Variants in RGS12 observed in about 807,000 individuals in gnomAD.
The protein encoded by RGS12 is regulator of G-protein signaling 12.
A neutral mutation model predicts 120.1 loss-of-function variants in RGS12; 66 were observed. The observed-to-expected ratio is 0.55, with a 90% CI of 0.45 to 0.67. The LOEUF (loss-of-function observed/expected upper bound fraction) is 0.67. RGS12 is among the 30% of genes least tolerant of loss of function. RGS12 has a pLI of 0.00. For missense variants in RGS12, 1,859 were observed against 1,957.7 expected, an observed-to-expected ratio of 0.95 and a Z score of 0.95; for synonymous variants, 827 against 804.7, an observed-to-expected ratio of 1.03 and a Z score of -0.47.
At chr4:3,438,427 G>T (rs1370768529) in intron 17 of RGS12, among the ~76,000 whole-genome samples, 3 of 151,970 alleles carry the variant, frequency 2.0e-5, no homozygotes, top group African/African-American at 7.2e-5. Context: ...CAGATGGGGG[G>T]GTGGGGTCAG....
chr4:3,422,308 C>T, intron 10 of RGS12, 68 bp from the exon 11 acceptor site: 2 of 1,493,084 alleles, frequency 1.3e-6, no homozygotes, highest in Non-Finnish European at 1.8e-6. Context: ...AGCTGGGCTG[C>T]TCTGGGAGGT....
intron 17 of RGS12, chr4:3,431,237 C>G: frequency 7.7e-7 from 1 of 1,303,464 alleles, no homozygotes; most frequent in Non-Finnish European, 9.7e-7. Flanking sequence ...GTGCCTGCAG[C>G]GAGGTCTGGG....
intron 9 of RGS12, chr4:3,417,792 A>T (rs1046600225): frequency 2.6e-5 from 13 of 491,782 alleles, no homozygotes; most frequent in Non-Finnish European, 4.0e-5. Flanking sequence ...ATTTCAGCCC[A>T]TGCCTACCTC....
intron 2 of RGS12, among the ~76,000 whole-genome samples, chr4:3,336,611 A>G (rs1178421426): frequency 2.0e-5 from 3 of 152,272 alleles, no homozygotes; most frequent in African/African-American, 2.4e-5. Context: ...TGACCAGGAC[A>G]TGGTCCTTGC....
intron 2 of RGS12, among the ~76,000 whole-genome samples, chr4:3,340,315 G>A (rs995125589): frequency 2.6e-5 from 4 of 152,272 alleles, no homozygotes; most frequent in African/African-American, 9.6e-5. Flanking sequence ...GTCCCCTGGG[G>A]GAGATTCCTC....
At chr4:3,363,140 T>G (rs1290690310) in intron 3 of RGS12, among the ~76,000 whole-genome samples, 2 of 149,638 alleles carry the variant, frequency 1.3e-5, no homozygotes, top group African/African-American at 2.5e-5. Flanking sequence ...AGTGTGGGGG[T>G]GTGTGTGCGC....
chr4:3,372,266 C>T lies in RGS12; in HGVS notation c.1999-14150C>T, dbSNP rs1717092565. ...GCCGCTCTGGGCTGGGGGGCTGCTG[C>T]AGCCCTGGGCAGCCCAGCTTGAGCC... On this transcript the variant is annotated intron_variant, in intron 3 of 17. Transcript: ENST00000336727. The surrounding 1 kb of genome is among the most constrained non-coding windows in gnomAD (Gnocchi z 4.3). Among the ~76,000 whole-genome samples the T allele has an allele frequency of 6.6e-6, 1 of 152,080 alleles. No homozygotes were observed. The highest frequency in any genetic ancestry group is 1.5e-5 in the Non-Finnish European group (1 of 67,992).
Position 3,335,504 on chromosome 4 carries a change from C to T in RGS12, c.1882-7433C>T, listed in dbSNP as rs370632271. Among the ~76,000 whole-genome samples the T allele has an allele frequency of 3.3e-5, 5 of 152,242 alleles. No homozygotes were observed. In the East Asian group the frequency reaches 5.8e-4, roughly 18 times the overall value. On this transcript the variant is annotated intron_variant, in intron 2 of 17. Transcript: ENST00000336727. ...TCACCTTCCTGCTCACAGCTGCATC[C>T]CTGTCAGGCTCTGTCCCCAGGGGCG...
At chr4:3,381,561 T>C (rs1379075435) in intron 3 of RGS12, among the ~76,000 whole-genome samples, 1 of 152,204 alleles carries the variant, frequency 6.6e-6, no homozygotes, top group Non-Finnish European at 1.5e-5. Flanking sequence ...AACACGTCCT[T>C]CTTCACATGG....
upstream of RGS12, among the ~76,000 whole-genome samples, chr4:3,289,988 T>C (rs566782901): frequency 3.9e-5 from 6 of 152,354 alleles, no homozygotes; most frequent in South Asian, 1.0e-3. Context: ...GATGGCACAT[T>C]TCCTTCTTTT....
chr4:3,353,399 C>T (rs1218453555), intron 3 of RGS12, among the ~76,000 whole-genome samples: 2 of 152,280 alleles, frequency 1.3e-5, no homozygotes, highest in African/African-American at 2.4e-5. Flanking sequence ...CTGTGAATGG[C>T]GCTGCTTCTT....
chr4:3,439,502 G>C lies in RGS12; in HGVS notation c.4162G>C (p.Asp1388His). The C allele has an allele frequency of 6.2e-7, 1 of 1,612,868 alleles. No homozygotes were observed. The highest frequency in any genetic ancestry group is 8.5e-7 in the Non-Finnish European group (1 of 1,179,902). Residue 1388 changes from aspartate to histidine, a missense_variant, in exon 18 of 18, where the codon GAT becomes CAT. Transcript: ENST00000336727. ...SRDLPVNRII[D>H]VDLVTGSAPG... ...AGACCTCCCAGTCAACAGAATCATC[G>C]ATGTGGATCTTGTAACTGGCTCGGC...
At chr4:3,350,704 AC>A (rs1264022026) in intron 3 of RGS12, among the ~76,000 whole-genome samples, 5 of 152,182 alleles carry the variant, frequency 3.3e-5, no homozygotes, top group Admixed American at 1.3e-4. Flanking sequence ...AACAAAAAAA[AC>A]AAAAAAGATT....
chr4:3,303,191 G>A (rs1189269715), intron 1 of RGS12, among the ~76,000 whole-genome samples: 4 of 152,190 alleles, frequency 2.6e-5, no homozygotes, highest in African/African-American at 7.2e-5. Context: ...CAGGGATTAG[G>A]AAGTGGGGAA....
chr4:3,329,181 CA>C (rs920733597), intron 2 of RGS12, among the ~76,000 whole-genome samples: 2 of 152,046 alleles, frequency 1.3e-5, no homozygotes, highest in African/African-American at 4.8e-5. Flanking sequence ...TGGAGAGCAC[CA>C]GGGGGTCAGG....
At chr4:3,379,208 G>A (rs1367258226) in intron 3 of RGS12, among the ~76,000 whole-genome samples, 1 of 152,138 alleles carries the variant, frequency 6.6e-6, no homozygotes, top group Non-Finnish European at 1.5e-5. Context: ...AGTGCCTGGC[G>A]GTAGTGGTGG....
At chr4:3,293,430 A>G (rs1723166441) in intron 1 of RGS12, among the ~76,000 whole-genome samples, 1 of 145,134 alleles carries the variant, frequency 6.9e-6, no homozygotes, top group Non-Finnish European at 1.5e-5. Flanking sequence ...CCTTGGCGGG[A>G]CCCGCGGGGG....
chr4:3,430,674 C>T lies in RGS12; in HGVS notation c.3833C>T (p.Ala1278Val). Residue 1278 changes from alanine (A) to valine (V), a missense_variant, in exon 17 of 18, where the codon GCC (alanine) becomes GTC (valine). By Grantham distance (64) the Ala-to-Val change is moderately conservative. Around this residue, in one of 3 missense-constraint regions of RGS12, gnomAD observed 517 missense variants for 488.5 expected, o/e 1.06. Coordinates refer to ENST00000336727, the MANE Select transcript of RGS12 (RefSeq NM_001394154.1). ...AGCCCGTCCACCAGCCCGGGCTCAG[C>T]CTCCAGCCCCCCTGGACCTCCTGGG... ...SDSPSTSPGS[A>V]SSPPGPPGTT... The T allele has an allele frequency of 6.3e-7, 1 of 1,583,266 alleles. No homozygotes were observed. Among genetic ancestry groups the T allele is most frequent in the Non-Finnish European group, 8.6e-7 (1 of 1,164,286 alleles).
intron 4 of RGS12, among the ~76,000 whole-genome samples, chr4:3,409,782 A>T (rs1266054501): frequency 6.6e-6 from 1 of 152,228 alleles, no homozygotes; most frequent in African/African-American, 2.4e-5. Flanking sequence ...GAGCTGTGCC[A>T]GCCACAGCGT....
Sources: allele counts gnomAD v4.1 joint callset (sites outside exome capture counted in the v4.1 genomes callset), GRCh38; gene constraint gnomAD v4.1.1; regional missense constraint gnomAD v4.1.1; non-coding constraint Gnocchi (gnomAD v3.1); transcripts MANE v1.5; gene names NCBI Gene and HGNC (gene_info 2026-07-23, HGNC 2026-07-21).